UGP2: variants seen among roughly 807,000 people sequenced by gnomAD.
UGP2 encodes the protein UTP--glucose-1-phosphate uridylyltransferase.
In UGP2, 40 loss-of-function variants were observed where a neutral mutation model predicts 49.0. That is an observed-to-expected ratio of 0.82 (90% CI 0.63 to 1.06). The LOEUF (loss-of-function observed/expected upper bound fraction) is 1.06. Among genes scored for constraint, UGP2 ranks in the 50% least tolerant of loss-of-function variants. The pLI is 0.00. For synonymous variants in UGP2, 225 were observed against 213.0 expected, an observed-to-expected ratio of 1.06 and a Z score of -0.49; for missense variants, 460 against 603.5, an observed-to-expected ratio of 0.76 and a Z score of 2.49.
intron 3 of UGP2, among the ~76,000 whole-genome samples, chr2:63,880,399 C>A (rs1348391205): frequency 6.6e-6 from 1 of 152,020 alleles, no homozygotes; most frequent in African/African-American, 2.4e-5. Context: ...GTCTCAAACC[C>A]CTAGGCTGCC....
rs771018236 is a variant in UGP2, at chr2:63,842,179, C to T, written c.-7C>T. The T allele has an allele frequency of 1.3e-6, 2 of 1,591,756 alleles. No individual in the cohort carries two copies. Among genetic ancestry groups the T allele is most frequent in the East Asian group, 4.5e-5 (2 of 44,788 alleles). On this transcript the variant is annotated 5_prime_UTR_variant, in exon 1 of 10. Transcript: ENST00000337130. ...AAAAAGCCGGAGTATTTTACTAAGC[C>T]CCTAAAATGTCGAGATTTGTACAAG...
intron 3 of UGP2, among the ~76,000 whole-genome samples, chr2:63,875,493 A>G (rs956327658): frequency 6.6e-6 from 1 of 152,250 alleles, no homozygotes; most frequent in African/African-American, 2.4e-5. Context: ...ACTGGAAACT[A>G]AGTTGTGAAC....
chr2:63,882,384 A>G (rs1671377218), intron 3 of UGP2, 82 bp from the exon 4 acceptor site: 1 of 1,258,694 alleles, frequency 7.9e-7, no homozygotes, highest in Non-Finnish European at 1.1e-6. Flanking sequence ...TTATGGAAGC[A>G]TGGAAATAAC....
At chr2:63,869,926 T>A (rs2104317450) in intron 3 of UGP2, among the ~76,000 whole-genome samples, 1 of 150,204 alleles carries the variant, frequency 6.7e-6, no homozygotes, top group South Asian at 2.1e-4. Context: ...AAATTAATTT[T>A]TTTTTTTTTT....
At chr2:63,843,288 G>A (rs1671704165) in intron 1 of UGP2, among the ~76,000 whole-genome samples, 1 of 152,152 alleles carries the variant, frequency 6.6e-6, no homozygotes, top group African/African-American at 2.4e-5. Flanking sequence ...CTTGCCTTTA[G>A]CGCTAAGCTC....
chr2:63,841,560 C>A (rs1671535589), upstream of UGP2: 2 of 152,332 alleles, frequency 1.3e-5, no homozygotes, highest in Admixed American at 1.3e-4. Flanking sequence ...GGAGCTGAGG[C>A]CCCGACCGGT....
chr2:63,848,551 A>G (rs562887495), intron 1 of UGP2, among the ~76,000 whole-genome samples: 1 of 152,228 alleles, frequency 6.6e-6, no homozygotes, highest in South Asian at 2.1e-4. Context: ...TTTAGTAGAG[A>G]CAGGGTTTCA....
intron 7 of UGP2, among the ~76,000 whole-genome samples, chr2:63,886,896 C>T (rs1671714427): frequency 6.6e-6 from 1 of 152,168 alleles, no homozygotes; most frequent in South Asian, 2.1e-4. Context: ...TATTACTGAA[C>T]AGAAGAGTTT....
At chr2:63,865,719 T>C (rs554568597) in intron 3 of UGP2, among the ~76,000 whole-genome samples, 58 of 152,026 alleles carry the variant, frequency 3.8e-4, no homozygotes, top group African/African-American at 1.3e-3. Flanking sequence ...TCAAATTTTT[T>C]ATAAAGACAA....
At chr2:63,881,348 T>TAC (rs34467113) in intron 3 of UGP2, among the ~76,000 whole-genome samples, 48,947 of 145,660 alleles carry the variant, frequency 0.34, 8,098 homozygotes, top group African/African-American at 0.36. Flanking sequence ...ACCTACCCAT[T>TAC]ACACACACAC....
intron 1 of UGP2, chr2:63,855,520 G>GTTTTTTTTTTTTTTTTTTTTTTTTCT (rs372160888): frequency 2.1e-5 from 4 of 194,312 alleles, no homozygotes; most frequent in African/African-American, 3.2e-5. Flanking sequence ...TTCTTTTTCT[G>GTTTTTTTTTTTTTTTTTTTTTTTTCT]TTTTTTTTTT....
intron 1 of UGP2, among the ~76,000 whole-genome samples, chr2:63,844,860 G>C (rs1378005290): frequency 2.6e-5 from 4 of 152,150 alleles, no homozygotes; most frequent in Admixed American, 2.6e-4. Flanking sequence ...CTAGTGCACA[G>C]CACTGAAATT....
Position 63,882,541 on chromosome 2 carries a change from G to T in UGP2, c.331G>T (p.Val111Leu). 1 of 1,613,442 alleles carries T rather than the reference G, an allele frequency of 6.2e-7. No individual in the cohort carries two copies. The highest frequency in any genetic ancestry group is 8.5e-7 in the Non-Finnish European group (1 of 1,179,488). ...ISSVLNKLVVVKLNGGLGTSM... is the reference protein window; with the variant it reads ...ISSVLNKLVVLKLNGGLGTSM... ...TTCCGTGTTGAACAAACTAGTGGTG[G>T]TGAAACTCAATGGTGGTTTGGGAAC... The change falls in exon 4 of 10, where the codon GTG (valine) becomes TTG (leucine). Residue 111 changes from valine to leucine, a missense_variant. Physicochemically the swap from Val to Leu is conservative, Grantham distance 32. This residue lies in a region of UGP2 where 143 missense variants were observed against 130.4 expected (regional missense o/e 1.10). Transcript: ENST00000337130.
At chr2:63,880,465 C>G (rs1000682529) in intron 3 of UGP2, among the ~76,000 whole-genome samples, 1 of 152,106 alleles carries the variant, frequency 6.6e-6, no homozygotes, top group East Asian at 1.9e-4. Flanking sequence ...CAGCCTGTTT[C>G]TTTTAGTGAC....
At chr2:63,877,352 CCT>C (rs1395769520) in intron 3 of UGP2, among the ~76,000 whole-genome samples, 3 of 152,248 alleles carry the variant, frequency 2.0e-5, no homozygotes, top group Non-Finnish European at 2.9e-5. Flanking sequence ...GAAGCTCTGT[CCT>C]CTCAGTATCC....
chr2:63,865,656 G>A (rs1575825228), intron 3 of UGP2, among the ~76,000 whole-genome samples: 2 of 150,684 alleles, frequency 1.3e-5, no homozygotes, highest in East Asian at 2.0e-4. Context: ...CTCTTGCCTC[G>A]ACCTCTTGAG....
At chr2:63,853,771 C>T (rs1669195240) in intron 1 of UGP2, among the ~76,000 whole-genome samples, 1 of 152,094 alleles carries the variant, frequency 6.6e-6, no homozygotes, top group Non-Finnish European at 1.5e-5. Context: ...TTGACTGTAG[C>T]CCTCTCTCTT....
intron 8 of UGP2, chr2:63,889,817 TAA>T (rs35619911): frequency 2.9e-5 from 7 of 237,682 alleles, no homozygotes; most frequent in Non-Finnish European, 4.8e-5. Context: ...TGATTATCTT[TAA>T]AAAAAAAAAG....
At chr2:63,870,065 G>A (rs529311166) in intron 3 of UGP2, among the ~76,000 whole-genome samples, 2 of 152,040 alleles carry the variant, frequency 1.3e-5, no homozygotes, top group East Asian at 1.9e-4. Context: ...TGGGACTGTA[G>A]GCGCCGGCCA....
Sources: allele counts gnomAD v4.1 joint callset (sites outside exome capture counted in the v4.1 genomes callset), GRCh38; gene constraint gnomAD v4.1.1; regional missense constraint gnomAD v4.1.1; transcripts MANE v1.5; gene names NCBI Gene and HGNC (gene_info 2026-07-23, HGNC 2026-07-21).